Variants in ZHX3 observed in about 807,000 individuals in gnomAD.
ZHX3 encodes zinc fingers and homeoboxes 3, also known as zinc fingers and homeoboxes protein 3.
A neutral mutation model predicts 64.5 loss-of-function variants in ZHX3; 20 were observed. The ratio of observed to expected loss-of-function variants is 0.31; its 90% CI spans 0.22 to 0.45. The LOEUF (loss-of-function observed/expected upper bound fraction) is 0.45, where lower values mean the gene tolerates loss of function less well. Ranked by LOEUF, ZHX3 falls within the 20% of genes least tolerant of loss-of-function variation. The pLI is 1.00. For synonymous variants in ZHX3, 423 were observed against 461.6 expected, an observed-to-expected ratio of 0.92 and a Z score of 1.07; for missense variants, 1,041 against 1,195.8, an observed-to-expected ratio of 0.87 and a Z score of 1.91.
At chr20:41,218,417 C>G (rs1445610973) in intron 2 of ZHX3, among the ~76,000 whole-genome samples, 1 of 148,714 alleles carries the variant, frequency 6.7e-6, no homozygotes, top group Non-Finnish European at 1.5e-5. Flanking sequence ...GCACTTTAGC[C>G]TGGGCAACAG....
chr20:41,286,726 G>A (rs933568826), intron 1 of ZHX3, among the ~76,000 whole-genome samples: 11 of 152,018 alleles, frequency 7.2e-5, no homozygotes, highest in African/African-American at 2.2e-4. Context: ...CACATCTCTG[G>A]TAATCACAGA....
chr20:41,283,988 G>T (rs745831360), intron 1 of ZHX3, among the ~76,000 whole-genome samples: 1 of 152,048 alleles, frequency 6.6e-6, no homozygotes, highest in Non-Finnish European at 1.5e-5. Flanking sequence ...TAATATATAT[G>T]CATTGTGTAT....
At position 41,183,619 on chromosome 20, in the gene ZHX3, C is replaced by T. The variant is rs997525547; in HGVS notation, c.*1572G>A. ...GCTTCTTGCCCAAAGCCCTTGCCCT[C>T]TCTCTGGGGTCTTCTAGCACTGTCA... On this transcript the variant is annotated 3_prime_UTR_variant, in exon 4 of 4. Transcript: ENST00000683867. This position sits in a 1 kb window ranked among gnomAD's most constrained non-coding sequence, Gnocchi z 5.3. The T allele has an allele frequency of 1.3e-5, 2 of 152,336 alleles. No homozygotes were observed. The highest frequency in any genetic ancestry group is 4.8e-5 in the African/African-American group (2 of 41,462). 9.4% of individuals were successfully genotyped at this position (152,336 alleles called of 1,614,324 possible).
At chr20:41,288,208 T>C (rs1002422427) in intron 1 of ZHX3, among the ~76,000 whole-genome samples, 1 of 152,110 alleles carries the variant, frequency 6.6e-6, no homozygotes, top group Non-Finnish European at 1.5e-5. Context: ...TTTGCACAGA[T>C]AGGGTTTTGC....
intron 2 of ZHX3, among the ~76,000 whole-genome samples, chr20:41,211,291 A>G (rs1003471293): frequency 1.3e-5 from 2 of 152,190 alleles, no homozygotes; most frequent in Admixed American, 6.5e-5. Context: ...AAATCAAGTT[A>G]TCAGTATTTG....
chr20:41,293,418 G>C (rs2044349277), intron 1 of ZHX3, among the ~76,000 whole-genome samples: 2 of 152,128 alleles, frequency 1.3e-5, no homozygotes, highest in Non-Finnish European at 2.9e-5. Context: ...AGTCACATAA[G>C]GATATTGAAG....
rs1432367251 is a variant in ZHX3, at chr20:41,204,310, T to C, written c.607A>G (p.Lys203Glu). The C allele has an allele frequency of 6.2e-7, 1 of 1,614,228 alleles. No homozygotes were observed. Among genetic ancestry groups the C allele is most frequent in the Admixed American group, 1.7e-5 (1 of 60,032 alleles). Residue 203 changes from lysine to glutamate, a missense_variant, in exon 3 of 4, where the codon AAG (lysine) becomes GAG (glutamate). Around this residue, in one of 4 missense-constraint regions of ZHX3, gnomAD observed 358 missense variants for 369.1 expected, o/e 0.97. Coordinates refer to ENST00000683867, the MANE Select transcript of ZHX3 (RefSeq NM_001384317.1). The surrounding 1 kb of genome is among the most constrained non-coding windows in gnomAD (Gnocchi z 6.6). ...KAEAKKIHTLKENVPSQPVGE... is the reference protein window; with the variant it reads ...KAEAKKIHTLEENVPSQPVGE... ...ACAGGCTGGCTAGGGACATTCTCCTTGAGTGTATGAATTTTTTTGGCTTCA... is the reference window on the plus strand; with the variant it reads ...ACAGGCTGGCTAGGGACATTCTCCTCGAGTGTATGAATTTTTTTGGCTTCA...
At position 41,184,103 on chromosome 20, in the gene ZHX3, C is replaced by G. The variant is rs1230639914; in HGVS notation, c.*1088G>C. On this transcript the variant is annotated 3_prime_UTR_variant, in exon 4 of 4. Transcript: ENST00000683867. ...TGCATGCAAGTCTTTGTGCTAAAGA[C>G]CACCCTACCTCTGATAATTCCAAGA... The G allele has an allele frequency of 1.3e-5, 2 of 152,246 alleles. No individual in the cohort carries two copies. The highest frequency in any genetic ancestry group is 1.3e-4 in the Admixed American group (2 of 15,286). 9.4% of individuals were successfully genotyped at this position (152,246 alleles called of 1,614,324 possible).
At chr20:41,281,843 A>T (rs2043691191) in intron 1 of ZHX3, among the ~76,000 whole-genome samples, 1 of 152,230 alleles carries the variant, frequency 6.6e-6, no homozygotes, top group Non-Finnish European at 1.5e-5. Flanking sequence ...TAATTGACTT[A>T]TGTTTCCAAA....
rs757309804 is a variant in ZHX3, at chr20:41,200,689, T to G, written c.2860+1368A>C. Among the ~76,000 whole-genome samples, 2 of 152,172 alleles carry G rather than the reference T, an allele frequency of 1.3e-5. No individual in the cohort carries two copies. Among genetic ancestry groups the G allele is most frequent in the African/African-American group, 4.8e-5 (2 of 41,434 alleles). On this transcript the variant is annotated intron_variant, in intron 3 of 3. Transcript: ENST00000683867. The surrounding 1 kb of genome is among the most constrained non-coding windows in gnomAD (Gnocchi z 4.2). ...GGCTCCACCAGGTGTTTGCTCTCAC[T>G]GTGGGCTTTGTGGAACTGGATTTTG...
intron 2 of ZHX3, among the ~76,000 whole-genome samples, chr20:41,266,633 C>T (rs918215805): frequency 6.6e-6 from 1 of 151,716 alleles, no homozygotes; most frequent in Admixed American, 6.6e-5. Context: ...GCAAGCTCCG[C>T]CCCCCAGGTT....
intron 1 of ZHX3, among the ~76,000 whole-genome samples, chr20:41,301,233 T>C (rs1288276706): frequency 6.6e-6 from 1 of 151,574 alleles, no homozygotes; most frequent in Non-Finnish European, 1.5e-5. Flanking sequence ...TTCCTCCTTT[T>C]CCCCCACCGA....
In ZHX3 at chr20:41,277,837, C is replaced by T. The variant is rs925841571; in HGVS notation, c.-244-8754G>A. ...CGATCTCCTGACCTCGTGATCTGCCCGCCTCGGCCTCCCAAAGTGCTGAGA... is the reference window on the plus strand; with the variant it reads ...CGATCTCCTGACCTCGTGATCTGCCTGCCTCGGCCTCCCAAAGTGCTGAGA... On this transcript the variant is annotated intron_variant, in intron 1 of 3. Transcript: ENST00000683867. Among the ~76,000 whole-genome samples, 13 of 137,136 alleles carry T rather than the reference C, an allele frequency of 9.5e-5. 2 individuals carry two copies. Among genetic ancestry groups the T allele is most frequent in the Admixed American group, 5.1e-4 (7 of 13,692 alleles). The allele number at this position is 137,136 out of a possible 152,430, so 90.0% of individuals were successfully genotyped here. A position where few individuals can be genotyped will look rare whatever the true frequency, so the allele number is the denominator to read the frequency against.
At chr20:41,302,379 C>G (rs2044848858) in intron 1 of ZHX3, among the ~76,000 whole-genome samples, 1 of 152,228 alleles carries the variant, frequency 6.6e-6, no homozygotes, top group South Asian at 2.1e-4. Context: ...GTTCTCAGCT[C>G]CCTCTTCCCT....
chr20:41,279,669 T>C (rs1368549181), intron 1 of ZHX3, among the ~76,000 whole-genome samples: 1 of 151,974 alleles, frequency 6.6e-6, no homozygotes, highest in Non-Finnish European at 1.5e-5. Context: ...GAGTAATAAG[T>C]TCACAGCAGC....
chr20:41,302,871 G>A (rs2044863972), intron 1 of ZHX3, among the ~76,000 whole-genome samples: 2 of 152,206 alleles, frequency 1.3e-5, no homozygotes, highest in South Asian at 2.1e-4. Context: ...TGAAGTTTCT[G>A]CAGGGTTTAT....
At position 41,204,231 on chromosome 20, in the gene ZHX3, T is replaced by C; in HGVS notation, c.686A>G (p.Asp229Gly). The C allele has an allele frequency of 6.2e-7, 1 of 1,613,524 alleles. No individual in the cohort carries two copies. Among genetic ancestry groups the C allele is most frequent in the South Asian group, 1.1e-5 (1 of 90,994 alleles). The stretch of plus-strand genomic sequence containing the variant: ...AACTGCCCCATTGATGAAGGAATGG[T>C]CCCCCTCTCTCACCTCCATTTCTCC... Reference protein sequence around the residue: ...STGEMEVREGDHSFINGAVPV... With the variant: ...STGEMEVREGGHSFINGAVPV... The change falls in exon 3 of 4, where the codon GAC becomes GGC. Residue 229 changes from aspartate (D) to glycine (G), a missense_variant. By Grantham distance (94) the Asp-to-Gly change is moderately conservative (BLOSUM62 -1). This residue lies in a region of ZHX3 where 358 missense variants were observed against 369.1 expected (regional missense o/e 0.97). Coordinates refer to ENST00000683867, the MANE Select transcript of ZHX3 (RefSeq NM_001384317.1). This position sits in a 1 kb window ranked among gnomAD's most constrained non-coding sequence, Gnocchi z 6.6.
At chr20:41,192,757 G>A (rs910116063) in intron 3 of ZHX3, among the ~76,000 whole-genome samples, 3 of 152,236 alleles carry the variant, frequency 2.0e-5, no homozygotes, top group Non-Finnish European at 4.4e-5. Context: ...ATGGCATCTT[G>A]CTGTAGCTGT....
At chr20:41,255,395 C>T (rs1013406288) in intron 2 of ZHX3, among the ~76,000 whole-genome samples, 1 of 152,202 alleles carries the variant, frequency 6.6e-6, no homozygotes, top group Non-Finnish European at 1.5e-5. Flanking sequence ...TCGTGATCCA[C>T]CTGCCTCAGC....
Sources: gnomAD v4.1 joint callset for allele counts (sites outside exome capture counted in the v4.1 genomes callset) on GRCh38, gnomAD v4.1.1 for gene constraint, gnomAD v4.1.1 regional missense constraint, Gnocchi (gnomAD v3.1) non-coding constraint, MANE v1.5 for transcripts, NCBI Gene and HGNC (gene_info 2026-07-23, HGNC 2026-07-21) for gene names.